PCDHGA5: variants seen among roughly 807,000 people sequenced by gnomAD.
The protein encoded by PCDHGA5 is protocadherin gamma subfamily A, 5.
A neutral mutation model predicts 56.7 loss-of-function variants in PCDHGA5; 36 were observed. The observed-to-expected ratio is 0.64, with a 90% CI of 0.49 to 0.84. The LOEUF is 0.84. Ranked by LOEUF, PCDHGA5 falls within the 40% of genes least tolerant of loss-of-function variation. The pLI, the probability that PCDHGA5 is intolerant of heterozygous loss-of-function variation, is 0.00. For missense variants in PCDHGA5, 1,305 were observed against 1,201.5 expected (o/e 1.09, Z -1.27); for synonymous variants, 563 against 520.2 (o/e 1.08, Z -1.12).
chr5:141,405,648 G>A (rs936380418), intron 1 of PCDHGA5: 3 of 523,734 alleles, frequency 5.7e-6, no homozygotes, highest in East Asian at 3.2e-5. Flanking sequence ...CTAATTTTTT[G>A]TGTGTTTTTA....
chr5:141,387,388 T>C (rs1323763140), intron 1 of PCDHGA5, among the ~76,000 whole-genome samples: 3 of 152,196 alleles, frequency 2.0e-5, no homozygotes, highest in Non-Finnish European at 2.9e-5. Flanking sequence ...ATATAGATAG[T>C]GCATGTTTGA....
intron 1 of PCDHGA5, among the ~76,000 whole-genome samples, chr5:141,474,747 A>AGACAAATAT (rs1447050692): frequency 6.6e-6 from 1 of 152,264 alleles, no homozygotes; most frequent in African/African-American, 2.4e-5. Context: ...GTGATGTCCA[A>AGACAAATAT]GACAAATATA....
At chr5:141,393,806 C>CA in intron 1 of PCDHGA5, 12 of 1,613,866 alleles carry the variant, frequency 7.4e-6, no homozygotes, top group Non-Finnish European at 1.0e-5. Flanking sequence ...TGGGGAGGAC[C>CA]AAATTGCTCA....
chr5:141,409,659 A>C, intron 1 of PCDHGA5: 1 of 1,613,574 alleles, frequency 6.2e-7, no homozygotes, highest in Non-Finnish European at 8.5e-7. Flanking sequence ...CTCAATGGCC[A>C]CATCTCCTAC....
rs888556794 is a variant in PCDHGA5 at position 141,493,414 on chromosome 5, A to T, written c.2422-1393A>T. Among the ~76,000 whole-genome samples, 2 of 152,058 alleles carry T rather than the reference A, an allele frequency of 1.3e-5. No individual in the cohort carries two copies. Among genetic ancestry groups the T allele is most frequent in the Admixed American group, 6.6e-5 (1 of 15,248 alleles). ...GGAGAGGGGAGTTGCCTCTGCTGGG[A>T]TTTTGCTTCTGCTGGGATGGGGCAA... On this transcript the variant is annotated intron_variant, in intron 1 of 3. Coordinates refer to ENST00000518069, the MANE Select transcript of PCDHGA5 (RefSeq NM_018918.3). The surrounding 1 kb of genome is among the most constrained non-coding windows in gnomAD (Gnocchi z 4.3).
At position 141,489,425 on chromosome 5, in the gene PCDHGA5, G is replaced by C. The variant is rs779739693; in HGVS notation, c.2422-5382G>C. On this transcript the variant is annotated intron_variant, in intron 1 of 3. Transcript: ENST00000518069. This position sits in a 1 kb window ranked among gnomAD's most constrained non-coding sequence, Gnocchi z 4.5. ...TTAAAGATGACAGATCTGTTGAGCC[G>C]GCGGCTGCAATTGGGCTCTGAGGAG... The C allele has an allele frequency of 4.3e-6, 7 of 1,614,118 alleles. No individual in the cohort carries two copies. The highest frequency in any genetic ancestry group is 1.1e-5 in the South Asian group (1 of 91,070).
chr5:141,388,628 G>A (rs752578230), intron 1 of PCDHGA5: 2 of 1,613,898 alleles, frequency 1.2e-6, no homozygotes. Flanking sequence ...ACGTATACAG[G>A]GTGAGCCTTT....
chr5:141,413,194 C>T lies in PCDHGA5; in HGVS notation c.2421+46443C>T, dbSNP rs749749411. ...GACTACAATGGCCGCTCAAAGGAAT[C>T]GCTCAAAGGAATCAAAGGATTGCAG... On this transcript the variant is annotated intron_variant, in intron 1 of 3. Coordinates refer to ENST00000518069, the MANE Select transcript of PCDHGA5 (RefSeq NM_018918.3). 5.3e-5 allele frequency: 85 copies of T among 1,607,784 alleles called. No individual in the cohort carries two copies. Among genetic ancestry groups the T allele is most frequent in the Non-Finnish European group, 7.0e-5 (82 of 1,176,492 alleles).
Position 141,477,032 on chromosome 5 carries a change from A to G in PCDHGA5, c.2422-17775A>G, listed in dbSNP as rs1026169829. 2 of 1,614,134 alleles carry G rather than the reference A, an allele frequency of 1.2e-6. No homozygotes were observed. Among genetic ancestry groups the G allele is most frequent in the Non-Finnish European group, 1.7e-6 (2 of 1,180,044 alleles). ...AGACCTTGTAACCGGGATGCTGACA[A>G]TCAAGGGTCGGCTGGACTTCGAGGA... On this transcript the variant is annotated intron_variant, in intron 1 of 3. Transcript: ENST00000518069. This position sits in a 1 kb window ranked among gnomAD's most constrained non-coding sequence, Gnocchi z 4.9.
intron 1 of PCDHGA5, among the ~76,000 whole-genome samples, chr5:141,492,922 T>C (rs1191111432): frequency 1.3e-5 from 2 of 152,194 alleles, no homozygotes; most frequent in Non-Finnish European, 2.9e-5. Context: ...TGCCCAGCGA[T>C]CTAGGGTCAG....
At chr5:141,500,244 T>C (rs1426405294) in intron 2 of PCDHGA5, among the ~76,000 whole-genome samples, 1 of 151,640 alleles carries the variant, frequency 6.6e-6, no homozygotes, top group Non-Finnish European at 1.5e-5. Context: ...AGCCTTGCTC[T>C]GTCACCCAGG....
chr5:141,403,229 G>C, intron 1 of PCDHGA5: 1 of 1,613,950 alleles, frequency 6.2e-7, no homozygotes, highest in Non-Finnish European at 8.5e-7. Flanking sequence ...GATAGACCGG[G>C]AGGAGCTCTG....
At chr5:141,507,865 T>C (rs2099864402) in intron 3 of PCDHGA5, among the ~76,000 whole-genome samples, 1 of 152,128 alleles carries the variant, frequency 6.6e-6, no homozygotes. Context: ...CACACCCGCT[T>C]CCTAGCCCTG....
chr5:141,388,324 A>G, intron 1 of PCDHGA5: 1 of 1,613,978 alleles, frequency 6.2e-7, no homozygotes, highest in Non-Finnish European at 8.5e-7. Context: ...GAGTCTGCAC[A>G]GCCTGGCACA....
At chr5:141,417,517 T>C (rs2096127273) in intron 1 of PCDHGA5, 1 of 255,788 alleles carries the variant, frequency 3.9e-6, no homozygotes, top group East Asian at 7.9e-5. Flanking sequence ...ATATTTTGGC[T>C]GTCAACTCGT....
chr5:141,404,579 A>G (rs1390358900), intron 1 of PCDHGA5: 1 of 1,614,002 alleles, frequency 6.2e-7, no homozygotes, highest in Non-Finnish European at 8.5e-7. Flanking sequence ...CCCACCACTT[A>G]GCAGCAATGT....
chr5:141,430,328 T>C (rs961978065), intron 1 of PCDHGA5, among the ~76,000 whole-genome samples: 1 of 152,036 alleles, frequency 6.6e-6, no homozygotes, highest in Non-Finnish European at 1.5e-5. Flanking sequence ...AAATCATTGT[T>C]TATAGAAACT....
intron 1 of PCDHGA5, chr5:141,409,000 C>CACTG: frequency 6.2e-7 from 1 of 1,613,950 alleles, no homozygotes; most frequent in Non-Finnish European, 8.5e-7. Flanking sequence ...AAGTGACAGC[C>CACTG]ACTGACCAGG....
intron 1 of PCDHGA5, chr5:141,385,119 T>C: frequency 1.2e-6 from 2 of 1,614,212 alleles, no homozygotes; most frequent in South Asian, 2.2e-5. Flanking sequence ...CCTCGCACTT[T>C]GTGGGCATGG....
Sources: allele counts gnomAD v4.1 joint callset (sites outside exome capture counted in the v4.1 genomes callset), GRCh38; gene constraint gnomAD v4.1.1; non-coding constraint Gnocchi (gnomAD v3.1); transcripts MANE v1.5; gene names NCBI Gene and HGNC (gene_info 2026-07-23, HGNC 2026-07-21).